The following LRRC4C variants were observed in gnomAD, a reference collection of about 807,000 sequenced individuals.
The protein encoded by LRRC4C is leucine-rich repeat-containing protein 4C.
Under a neutral mutation model 33.6 loss-of-function variants are expected in LRRC4C, and 5 were observed. The ratio of observed to expected loss-of-function variants is 0.15; its 90% CI spans 0.08 to 0.31. The LOEUF (loss-of-function observed/expected upper bound fraction) is 0.31, where lower values mean the gene tolerates loss of function less well. Among genes scored for constraint, LRRC4C ranks in the 10% least tolerant of loss-of-function variants. LRRC4C has a pLI of 1.00. For missense variants in LRRC4C, 560 were observed against 796.7 expected (o/e 0.70, Z 3.58); for synonymous variants, 329 against 302.0 (o/e 1.09, Z -0.93).
At chr11:41,336,177 G>C (rs1249908491) in intron 1 of LRRC4C, among the ~76,000 whole-genome samples, 1 of 151,552 alleles carries the variant, frequency 6.6e-6, no homozygotes, top group Non-Finnish European at 1.5e-5. Context: ...ATTGAAGAGA[G>C]AAAATTTAAT....
chr11:40,560,593 T>A (rs1957511458), intron 3 of LRRC4C, among the ~76,000 whole-genome samples: 2 of 152,028 alleles, frequency 1.3e-5, no homozygotes, highest in South Asian at 4.1e-4. Flanking sequence ...CTACTTCTAT[T>A]TGAAAAAAAT....
intron 2 of LRRC4C, among the ~76,000 whole-genome samples, chr11:40,819,256 T>C (rs956135474): frequency 1.3e-5 from 2 of 152,064 alleles, no homozygotes; most frequent in African/African-American, 4.8e-5. Context: ...ACTCTACAAC[T>C]ACACAGAATT....
intron 2 of LRRC4C, among the ~76,000 whole-genome samples, chr11:40,847,675 G>A (rs1198911332): frequency 1.3e-5 from 2 of 152,132 alleles, no homozygotes; most frequent in Admixed American, 1.3e-4. Context: ...ACGAGTAAGA[G>A]AGGAGTCCCT....
Position 41,417,474 on chromosome 11 carries a change from A to G in LRRC4C, c.-496+41957T>C, listed in dbSNP as rs759958086. Among the ~76,000 whole-genome samples the G allele has an allele frequency of 3.9e-4, 59 of 152,072 alleles. 1 individual carries two copies. Among genetic ancestry groups the G allele is most frequent in the Non-Finnish European group, 7.4e-4 (50 of 67,974 alleles). Reference sequence around the variant, plus strand: ...GTATCCCATGCCTCAGATTACATGTAGTGACCCTTGAAAAAGCAAGTTTCT... The same window carrying G: ...GTATCCCATGCCTCAGATTACATGTGGTGACCCTTGAAAAAGCAAGTTTCT... On this transcript the variant is annotated intron_variant, in intron 1 of 6. Coordinates refer to ENST00000528697, the MANE Select transcript of LRRC4C (RefSeq NM_001258419.2).
chr11:40,898,450 G>T (rs945148835), intron 2 of LRRC4C, among the ~76,000 whole-genome samples: 2 of 151,526 alleles, frequency 1.3e-5, no homozygotes, highest in African/African-American at 4.9e-5. Flanking sequence ...GACCAGTTGT[G>T]CCTGAGATTG....
At chr11:41,331,177 C>A (rs539012552) in intron 1 of LRRC4C, among the ~76,000 whole-genome samples, 23 of 152,286 alleles carry the variant, frequency 1.5e-4, no homozygotes, top group African/African-American at 4.8e-4. Context: ...ACAGTTCATG[C>A]AATTCTCCCT....
intron 1 of LRRC4C, among the ~76,000 whole-genome samples, chr11:41,219,950 G>A (rs999211895): frequency 1.3e-5 from 2 of 152,152 alleles, no homozygotes; most frequent in Non-Finnish European, 2.9e-5. Context: ...GTTTCAGTAA[G>A]ACAGAACAGG....
chr11:40,128,081 T>A (rs1856387175), intron 6 of LRRC4C, among the ~76,000 whole-genome samples: 1 of 149,814 alleles, frequency 6.7e-6, no homozygotes, highest in Non-Finnish European at 1.5e-5. Context: ...CCCCGGAGGG[T>A]TGGTTTGGTA....
chr11:41,174,593 A>G (rs1167227762), intron 1 of LRRC4C, among the ~76,000 whole-genome samples: 1 of 151,888 alleles, frequency 6.6e-6, no homozygotes, highest in Admixed American at 6.6e-5. Context: ...ATTATGTGCT[A>G]TTGCAATTTT....
intron 6 of LRRC4C, among the ~76,000 whole-genome samples, chr11:40,133,534 G>C (rs1856784649): frequency 6.6e-6 from 1 of 152,136 alleles, no homozygotes; most frequent in Admixed American, 6.5e-5. Flanking sequence ...AGTCATTTCA[G>C]CTATAATAAT....
intron 2 of LRRC4C, among the ~76,000 whole-genome samples, chr11:40,892,223 T>C (rs1042090616): frequency 1.3e-5 from 2 of 151,778 alleles, no homozygotes; most frequent in African/African-American, 4.8e-5. Flanking sequence ...ATCTCACTGC[T>C]AGACAGACCC....
rs569564753 is a variant in LRRC4C at position 40,203,908 on chromosome 11, A to G, written c.-96+37611T>C. On this transcript the variant is annotated intron_variant, in intron 5 of 6. Coordinates refer to ENST00000528697, the MANE Select transcript of LRRC4C (RefSeq NM_001258419.2). ...AGACACAGGAAATCTGAGATCTTTAAGATATTTTATCTTATTTTATTTACT... is the reference window on the plus strand; with the variant it reads ...AGACACAGGAAATCTGAGATCTTTAGGATATTTTATCTTATTTTATTTACT... 3.6e-4 allele frequency among the ~76,000 whole-genome samples: 55 copies of G among 152,248 alleles called. 1 individual carries two copies. The South Asian group carries it at 0.011, about 32-fold the overall frequency.
chr11:40,902,299 CA>C (rs1185557495), intron 2 of LRRC4C, among the ~76,000 whole-genome samples: 5 of 151,976 alleles, frequency 3.3e-5, no homozygotes, highest in Non-Finnish European at 7.4e-5. Flanking sequence ...GCACTGTGAA[CA>C]CACCATATAA....
At chr11:40,817,163 C>G (rs911003171) in intron 2 of LRRC4C, among the ~76,000 whole-genome samples, 2 of 152,106 alleles carry the variant, frequency 1.3e-5, no homozygotes, top group African/African-American at 4.8e-5. Context: ...ACTTTCCTGC[C>G]AGTGTGTCTG....
At chr11:40,554,736 C>CTT (rs34678892) in intron 3 of LRRC4C, among the ~76,000 whole-genome samples, 27 of 88,374 alleles carry the variant, frequency 3.1e-4, no homozygotes, top group African/African-American at 3.6e-4. Context: ...GGATTGCATT[C>CTT]TTTTTTTTTT....
chr11:40,419,045 G>A (rs1391832793), intron 3 of LRRC4C, among the ~76,000 whole-genome samples: 1 of 151,918 alleles, frequency 6.6e-6, no homozygotes, highest in African/African-American at 2.4e-5. Context: ...CTAGGTGATG[G>A]GTTGATAGGT....
chr11:40,116,343 T>C lies in LRRC4C; in HGVS notation c.-42-9A>G, dbSNP rs1405447730. 2.0e-6 allele frequency: 3 copies of C among 1,523,322 alleles called. No homozygotes were observed. The highest frequency in any genetic ancestry group is 1.4e-5 in the African/African-American group (1 of 71,830). 94.4% of individuals were successfully genotyped at this position (1,523,322 alleles called of 1,614,324 possible). On this transcript the variant is annotated splice_polypyrimidine_tract_variant and intron_variant, in intron 6 of 6. Transcript: ENST00000528697. ...TCTGGAATTCAAACAGTCTGCAAAA[T>C]ACAAGCAAAAAAAACCAATTATTAG... is the stretch of plus-strand genomic sequence containing the variant.
chr11:41,407,701 G>A (rs1000776121), intron 1 of LRRC4C, among the ~76,000 whole-genome samples: 1 of 152,150 alleles, frequency 6.6e-6, no homozygotes, highest in Non-Finnish European at 1.5e-5. Context: ...TTGCTCAGGA[G>A]CTGTCCCTGT....
rs375464060 is a variant in LRRC4C at position 40,840,579 on chromosome 11, C to T, written c.-407+93056G>A. On this transcript the variant is annotated intron_variant, in intron 2 of 6. Coordinates refer to ENST00000528697, the MANE Select transcript of LRRC4C (RefSeq NM_001258419.2). ...AAATAGTAAACATCATCAGAGGTAA[C>T]CTTAATCCGTTTACCATCTGGTGAT... 4.6e-5 allele frequency among the ~76,000 whole-genome samples: 7 copies of T among 152,180 alleles called. No individual in the cohort carries two copies. The East Asian group carries it at 9.7e-4, about 21-fold the overall frequency.
Sources: gnomAD v4.1 joint callset for allele counts (sites outside exome capture counted in the v4.1 genomes callset) on GRCh38, gnomAD v4.1.1 for gene constraint, MANE v1.5 for transcripts, NCBI Gene and HGNC (gene_info 2026-07-23, HGNC 2026-07-21) for gene names.